SATB2: variants seen among roughly 807,000 people sequenced by gnomAD.
SATB2 encodes the protein DNA-binding protein SATB2.
Under a neutral mutation model 73.4 loss-of-function variants are expected in SATB2, and 1 was observed. The observed-to-expected ratio is 0.01, with a 90% CI of 0.00 to 0.06. The LOEUF is 0.06. Among genes scored for constraint, SATB2 ranks in the 10% least tolerant of loss-of-function variants. The probability of loss-of-function intolerance (pLI) is 1.00; values close to 1 mark genes in which losing one functional copy is unlikely to be tolerated. For synonymous variants in SATB2, 397 were observed against 367.0 expected, an observed-to-expected ratio of 1.08 and a Z score of -0.93; for missense variants, 459 against 945.8, an observed-to-expected ratio of 0.49 and a Z score of 6.75.
At chr2:199,402,030 C>G (rs1157779179) in intron 3 of SATB2, among the ~76,000 whole-genome samples, 3 of 152,038 alleles carry the variant, frequency 2.0e-5, no homozygotes, top group Admixed American at 6.6e-5. Flanking sequence ...AGAGGGCCAC[C>G]TGGACCAGGT....
intron 3 of SATB2, among the ~76,000 whole-genome samples, chr2:199,408,403 T>G (rs1690701269): frequency 6.6e-6 from 1 of 152,100 alleles, no homozygotes; most frequent in Non-Finnish European, 1.5e-5. Flanking sequence ...TACATTGAGG[T>G]GACTTAATAT....
chr2:199,273,101 A>G (rs1010538067), intron 10 of SATB2, among the ~76,000 whole-genome samples: 3 of 152,202 alleles, frequency 2.0e-5, no homozygotes, highest in African/African-American at 7.2e-5. Context: ...CCCTGGGCAA[A>G]TCACTTAATA....
intron 10 of SATB2, among the ~76,000 whole-genome samples, chr2:199,296,210 CA>C (rs1303505942): frequency 6.6e-6 from 1 of 152,122 alleles, no homozygotes; most frequent in Non-Finnish European, 1.5e-5. Flanking sequence ...TTTGTTTTTC[CA>C]AAATGCATTT....
intron 2 of SATB2, among the ~76,000 whole-genome samples, chr2:199,451,607 A>G (rs993707731): frequency 2.0e-5 from 3 of 152,020 alleles, no homozygotes; most frequent in Non-Finnish European, 4.4e-5. Flanking sequence ...TATAATCTCA[A>G]TATATACCTA....
chr2:199,379,882 AT>A (rs35313465), intron 5 of SATB2, among the ~76,000 whole-genome samples: 92,052 of 146,586 alleles, frequency 0.63, 30,991 homozygotes, highest in Non-Finnish European at 0.76. Context: ...ATAAATGCTA[AT>A]TTTTTTTTTT....
chr2:199,393,918 T>G (rs1228308767), intron 3 of SATB2, among the ~76,000 whole-genome samples: 1 of 152,228 alleles, frequency 6.6e-6, no homozygotes, highest in Non-Finnish European at 1.5e-5. Flanking sequence ...TCAGGTTTTT[T>G]TAAACTGAAT....
chr2:199,381,819 T>C lies in SATB2; in HGVS notation c.348A>G (p.Gly116=), dbSNP rs1435286842. The C allele has an allele frequency of 2.5e-6, 4 of 1,614,080 alleles. No homozygotes were observed. The highest frequency in any genetic ancestry group is 1.7e-5 in the Admixed American group (1 of 60,018). ...GGTTCCACCTTCCCAGCTTGATTAT[T>C]CCTGCACAGGGAAGAAAAACATAAT... The part of the protein sequence containing the change: ...YSHSSAAQAQ[G]IIKLGRWNPL... The change falls in exon 4 of 11, where the codon GGA becomes GGG. Residue 116 remains glycine (G), a splice_region_variant and synonymous_variant. Coordinates refer to ENST00000417098, the MANE Select transcript of SATB2 (RefSeq NM_001172509.2).
At chr2:199,307,691 G>A (rs980286350) in intron 10 of SATB2, among the ~76,000 whole-genome samples, 1 of 152,164 alleles carries the variant, frequency 6.6e-6, no homozygotes, top group African/African-American at 2.4e-5. Flanking sequence ...ATGATATTTA[G>A]ATGAAAAGTG....
At chr2:199,411,220 GAA>G (rs1208795404) in intron 3 of SATB2, among the ~76,000 whole-genome samples, 2 of 127,902 alleles carry the variant, frequency 1.6e-5, no homozygotes, top group African/African-American at 5.7e-5. Context: ...CCAGAAAAAA[GAA>G]AAAAAAAAAA....
At chr2:199,329,057 G>T (rs1462166324) in intron 7 of SATB2, 147 bp from the exon 8 acceptor site, 16 of 703,350 alleles carry the variant, frequency 2.3e-5, no homozygotes, top group Non-Finnish European at 3.3e-5. Flanking sequence ...AGGGTTCTCC[G>T]ATATGAAGTC....
chr2:199,468,332 T>A, upstream of SATB2: 1 of 151,426 alleles, frequency 6.6e-6, no homozygotes, highest in Non-Finnish European at 1.5e-5. Flanking sequence ...TTAATGTCCC[T>A]CTTTATTTCT....
At chr2:199,343,498 T>C (rs1407259631) in intron 7 of SATB2, among the ~76,000 whole-genome samples, 1 of 152,214 alleles carries the variant, frequency 6.6e-6, no homozygotes, top group Non-Finnish European at 1.5e-5. Context: ...TAATATACCA[T>C]ATTTTCCATT....
chr2:199,427,227 G>A (rs1013663999), intron 3 of SATB2, among the ~76,000 whole-genome samples: 1 of 152,002 alleles, frequency 6.6e-6, no homozygotes, highest in Non-Finnish European at 1.5e-5. Flanking sequence ...TATAGGACTA[G>A]GATTTTCATT....
intron 6 of SATB2, among the ~76,000 whole-genome samples, chr2:199,366,144 G>T (rs1689276516): frequency 6.6e-6 from 1 of 152,052 alleles, no homozygotes; most frequent in Admixed American, 6.6e-5. Context: ...ATGTAAATTG[G>T]TAACTTTGAG....
intron 8 of SATB2, among the ~76,000 whole-genome samples, chr2:199,327,182 G>A (rs1453851537): frequency 1.3e-5 from 2 of 152,198 alleles, no homozygotes; most frequent in East Asian, 1.9e-4. Flanking sequence ...GCTCATGCCT[G>A]TAATCCCAGC....
At chr2:199,299,812 T>A (rs2105755465) in intron 10 of SATB2, among the ~76,000 whole-genome samples, 1 of 152,252 alleles carries the variant, frequency 6.6e-6, no homozygotes, top group South Asian at 2.1e-4. Context: ...TTAATCATTT[T>A]TTTCCAAAAG....
chr2:199,451,491 T>C (rs1692123047), intron 2 of SATB2, among the ~76,000 whole-genome samples: 1 of 151,934 alleles, frequency 6.6e-6, no homozygotes, highest in Non-Finnish European at 1.5e-5. Flanking sequence ...ATACAATCTT[T>C]TCTCTTTTGA....
At chr2:199,448,120 C>T (rs1446786801) in intron 2 of SATB2, among the ~76,000 whole-genome samples, 1 of 152,088 alleles carries the variant, frequency 6.6e-6, no homozygotes, top group Non-Finnish European at 1.5e-5. Context: ...GTTCTGTTAA[C>T]CCCCAAAAAA....
intron 3 of SATB2, among the ~76,000 whole-genome samples, chr2:199,408,055 AG>A (rs543884325): frequency 6.6e-6 from 1 of 152,198 alleles, no homozygotes; most frequent in Non-Finnish European, 1.5e-5. Context: ...TGGACCTGAC[AG>A]GGTAGTTCCA....
Sources: gnomAD v4.1 joint callset for allele counts (sites outside exome capture counted in the v4.1 genomes callset) on GRCh38, gnomAD v4.1.1 for gene constraint, MANE v1.5 for transcripts, NCBI Gene and HGNC (gene_info 2026-07-23, HGNC 2026-07-21) for gene names.